The following CD96 variants were observed in gnomAD, a reference collection of about 807,000 sequenced individuals.
CD96 encodes the protein CD96 molecule.
Under a neutral mutation model 71.3 loss-of-function variants are expected in CD96, and 70 were observed. The observed-to-expected ratio is 0.98, with a 90% CI of 0.81 to 1.20. The LOEUF (loss-of-function observed/expected upper bound fraction) is 1.20, where lower values mean the gene tolerates loss of function less well. Ranked by LOEUF, CD96 falls within the 50% of genes most tolerant of loss-of-function variation. CD96 has a pLI of 0.00. For synonymous variants in CD96, 248 were observed against 233.0 expected (o/e 1.06, Z -0.59); for missense variants, 742 against 677.5 (o/e 1.10, Z -1.06).
At chr3:111,582,457 A>G (rs1936510331) in intron 4 of CD96, among the ~76,000 whole-genome samples, 1 of 152,200 alleles carries the variant, frequency 6.6e-6, no homozygotes, top group Non-Finnish European at 1.5e-5. Context: ...AAACAACAAA[A>G]TCACTGAAAT....
downstream of CD96, among the ~76,000 whole-genome samples, chr3:111,653,105 C>T (rs899411080): frequency 4.6e-5 from 7 of 152,136 alleles, no homozygotes; most frequent in Non-Finnish European, 8.8e-5. Flanking sequence ...ATCATGGGCA[C>T]GACTAACCCA....
At chr3:111,639,784 A>C (rs1939506934) in intron 12 of CD96, among the ~76,000 whole-genome samples, 1 of 152,176 alleles carries the variant, frequency 6.6e-6, no homozygotes, top group South Asian at 2.1e-4. Flanking sequence ...TGAGAGACCC[A>C]TAGATGGTTC....
intron 5 of CD96, among the ~76,000 whole-genome samples, chr3:111,586,955 G>A (rs1936741542): frequency 6.6e-6 from 1 of 151,974 alleles, no homozygotes; most frequent in Non-Finnish European, 1.5e-5. Context: ...TAACTCAAAA[G>A]TCCAGAGTCC....
chr3:111,662,538 T>C (rs115527807), intron 14 of CD96, among the ~76,000 whole-genome samples: 3,561 of 152,342 alleles, frequency 0.023, 150 homozygotes, highest in African/African-American at 0.082. Flanking sequence ...CAAATGAGCA[T>C]AGGCTTTAAG....
At chr3:111,644,913 G>A (rs889310871) in intron 12 of CD96, among the ~76,000 whole-genome samples, 3 of 152,136 alleles carry the variant, frequency 2.0e-5, no homozygotes, top group Non-Finnish European at 4.4e-5. Flanking sequence ...CCTGCTAGTG[G>A]GAATGTAAAC....
At chr3:111,547,870 A>T (rs926760118) in intron 2 of CD96, among the ~76,000 whole-genome samples, 5 of 152,144 alleles carry the variant, frequency 3.3e-5, no homozygotes, top group Admixed American at 3.3e-4. Flanking sequence ...AGGGGGAAAC[A>T]TCCTTCACCA....
At chr3:111,549,194 C>A (rs1000021044) in intron 2 of CD96, among the ~76,000 whole-genome samples, 5 of 150,622 alleles carry the variant, frequency 3.3e-5, no homozygotes, top group South Asian at 2.2e-4. Flanking sequence ...CCTTTCCTTT[C>A]CTTTGGAAGC....
intron 8 of CD96, among the ~76,000 whole-genome samples, chr3:111,613,653 T>C (rs1938071307): frequency 6.6e-6 from 1 of 152,222 alleles, no homozygotes; most frequent in Non-Finnish European, 1.5e-5. Context: ...TGCAGGTGAA[T>C]TGATGGAGAG....
intron 5 of CD96, among the ~76,000 whole-genome samples, chr3:111,590,833 G>A (rs1041661486): frequency 2.0e-5 from 3 of 152,170 alleles, no homozygotes; most frequent in African/African-American, 7.2e-5. Context: ...AAGCTCCAGA[G>A]TGTACTCAGC....
At chr3:111,648,226 TGGTACATAA>T (rs1939924094) in intron 13 of CD96, among the ~76,000 whole-genome samples, 1 of 152,220 alleles carries the variant, frequency 6.6e-6, no homozygotes, top group Admixed American at 6.5e-5. Flanking sequence ...CAGTCTGAAA[TGGTACATAA>T]GGTTAAGCCT....
intron 4 of CD96, among the ~76,000 whole-genome samples, chr3:111,583,896 A>G (rs949130540): frequency 6.6e-6 from 1 of 152,168 alleles, no homozygotes; most frequent in Non-Finnish European, 1.5e-5. Flanking sequence ...CATTTTCCCC[A>G]TGGTCTTGTA....
chr3:111,555,321 T>G (rs1340230828), intron 2 of CD96, among the ~76,000 whole-genome samples: 1 of 152,296 alleles, frequency 6.6e-6, no homozygotes, highest in Non-Finnish European at 1.5e-5. Context: ...CCATTTTTTG[T>G]GCTCTTTATT....
chr3:111,663,844 G>A (rs1352016658), intron 14 of CD96, among the ~76,000 whole-genome samples: 1 of 151,424 alleles, frequency 6.6e-6, no homozygotes, highest in African/African-American at 2.4e-5. Flanking sequence ...CACCTCCCGG[G>A]TTCACGCCAT....
intron 8 of CD96, among the ~76,000 whole-genome samples, chr3:111,619,952 C>G (rs1172025951): frequency 6.6e-6 from 1 of 152,212 alleles, no homozygotes; most frequent in East Asian, 1.9e-4. Flanking sequence ...CCACCTAGCT[C>G]TCACATCCAG....
At chr3:111,645,147 G>A (rs990338662) in intron 12 of CD96, among the ~76,000 whole-genome samples, 2 of 151,932 alleles carry the variant, frequency 1.3e-5, no homozygotes, top group South Asian at 2.1e-4. Context: ...TAAAGAAACC[G>A]TGGTGTATAT....
chr3:111,590,146 T>C (rs1407349340), intron 5 of CD96, among the ~76,000 whole-genome samples: 1 of 152,226 alleles, frequency 6.6e-6, no homozygotes, highest in Non-Finnish European at 1.5e-5. Context: ...CTGTGGGATC[T>C]GATAGAACTA....
At chr3:111,597,657 T>C (rs1937319972) in intron 5 of CD96, among the ~76,000 whole-genome samples, 1 of 152,234 alleles carries the variant, frequency 6.6e-6, no homozygotes, top group Non-Finnish European at 1.5e-5. Flanking sequence ...AATCGTTTTC[T>C]GTGATTGTTA....
intron 3 of CD96, among the ~76,000 whole-genome samples, chr3:111,571,598 A>T (rs1392093387): frequency 1.3e-5 from 2 of 152,128 alleles, no homozygotes; most frequent in East Asian, 1.9e-4. Flanking sequence ...TTAAACATCC[A>T]CTAGAACCTC....
At chr3:111,588,025 T>C (rs1215993700) in intron 5 of CD96, among the ~76,000 whole-genome samples, 1 of 152,228 alleles carries the variant, frequency 6.6e-6, no homozygotes, top group Non-Finnish European at 1.5e-5. Flanking sequence ...GCCTTGATGA[T>C]TAACATTCAG....
Sources: gnomAD v4.1 joint callset for allele counts (sites outside exome capture counted in the v4.1 genomes callset) on GRCh38, gnomAD v4.1.1 for gene constraint, MANE v1.5 for transcripts, NCBI Gene and HGNC (gene_info 2026-07-23, HGNC 2026-07-21) for gene names.